CFAP92: variants seen among roughly 807,000 people sequenced by gnomAD.
CFAP92 encodes the protein uncharacterized protein CFAP92.
Under a neutral mutation model 106.3 loss-of-function variants are expected in CFAP92, and 86 were observed. The observed-to-expected ratio is 0.81, with a 90% confidence interval of 0.68 to 0.97. CFAP92 has a LOEUF of 0.97. Among genes scored for constraint, CFAP92 ranks in the 50% least tolerant of loss-of-function variants. CFAP92 has a pLI of 0.00. For missense variants in CFAP92, 1,204 were observed against 1,283.8 expected (o/e 0.94, Z 0.95); for synonymous variants, 477 against 506.4 (o/e 0.94, Z 0.78).
chr3:128,993,780 A>T (rs1944364182), intron 1 of CFAP92, 200 bp downstream of exon 1: 1 of 354,134 alleles, frequency 2.8e-6, no homozygotes, highest in South Asian at 4.3e-5. Context: ...GAGGTCGGGG[A>T]GGGCAAGCCC....
intron 1 of CFAP92, chr3:129,001,583 AAGGGACCGGAGG>A (rs1031495612): frequency 1.3e-5 from 18 of 1,345,830 alleles, no homozygotes; most frequent in South Asian, 1.3e-4. Flanking sequence ...TGGCGGGGCG[AAGGGACCGGAGG>A]AGGGACCGGA....
intron 2 of CFAP92, 87 bp from the exon 3 acceptor site, chr3:128,989,005 T>A: frequency 9.8e-7 from 1 of 1,020,620 alleles, no homozygotes; most frequent in Non-Finnish European, 1.4e-6. Flanking sequence ...CTTGATGTTG[T>A]GAGAGGCTGA....
rs1323649602 is a variant in CFAP92, at chr3:128,953,598, TCCCCCTCTCCCTCTCCCTCTCC to T, written c.1354-7645_1354-7624del. ...CTCTCCCTCTCCCTCTCCCTCTCCC[TCCCCCTCTCCCTCTCCCTCTCC>T]CTCCCTCTCCGTCTCCCTCTCCCCA... On this transcript the variant is annotated intron_variant, in intron 9 of 15. Coordinates refer to ENST00000645291, the MANE Select transcript of CFAP92 (RefSeq NM_001394090.1). 3.3e-4 allele frequency among the ~76,000 whole-genome samples: 24 copies of T among 72,020 alleles called. 2 individuals are homozygous for T. Among genetic ancestry groups the T allele is most frequent in the African/African-American group, 1.7e-3 (24 of 13,746 alleles). 47.2% of individuals were successfully genotyped at this position (72,020 alleles called of 152,430 possible). A position where few individuals can be genotyped will look rare whatever the true frequency, so the allele number is the denominator to read the frequency against.
At chr3:129,003,916 G>A, upstream of CFAP92, 1 of 1,357,844 alleles carries the variant, frequency 7.4e-7, no homozygotes, top group Non-Finnish European at 9.4e-7. Flanking sequence ...GCGCTGGGCG[G>A]CTGCGCCGTG....
chr3:128,913,224 C>T (rs1936541256), intron 15 of CFAP92: 13 of 368,184 alleles, frequency 3.5e-5, no homozygotes, highest in South Asian at 2.7e-4. Context: ...TTGTCCTCAC[C>T]CTGCAAGGAG....
intron 9 of CFAP92, among the ~76,000 whole-genome samples, chr3:128,948,097 G>T (rs1000294120): frequency 6.6e-6 from 1 of 152,062 alleles, no homozygotes; most frequent in African/African-American, 2.4e-5. Flanking sequence ...AAAAGAGAAT[G>T]ACAAGACAAA....
At chr3:129,004,392 C>G (rs1382560656), upstream of CFAP92, among the ~76,000 whole-genome samples, 1 of 133,878 alleles carries the variant, frequency 7.5e-6, no homozygotes, top group Non-Finnish European at 1.6e-5. Context: ...CCCATCCATC[C>G]ACTCACCCAT....
At chr3:128,983,610 G>T (rs1162956034) in intron 4 of CFAP92, among the ~76,000 whole-genome samples, 1 of 152,194 alleles carries the variant, frequency 6.6e-6, no homozygotes, top group African/African-American at 2.4e-5. Flanking sequence ...AAATGGAGAT[G>T]AAAGACGCTA....
At chr3:129,003,678 A>C (rs1944911077), upstream of CFAP92, 1 of 1,048,598 alleles carries the variant, frequency 9.5e-7, no homozygotes, top group Admixed American at 4.7e-5. Context: ...ACGGCGCAAG[A>C]AACGTGCTCA....
chr3:128,916,318 C>G, intron 12 of CFAP92, 47 bp from the exon 13 acceptor site: 1 of 1,192,226 alleles, frequency 8.4e-7, no homozygotes, highest in Non-Finnish European at 1.1e-6. Flanking sequence ...TCATCCTCAC[C>G]CCCCATGCCA....
At position 128,953,595 on chromosome 3, in the gene CFAP92, CCCTCCCCCTCT is replaced by C. The variant is rs1389397825; in HGVS notation, c.1354-7631_1354-7621del. On this transcript the variant is annotated intron_variant, in intron 9 of 15. Coordinates refer to ENST00000645291, the MANE Select transcript of CFAP92 (RefSeq NM_001394090.1). The stretch of plus-strand genomic sequence containing the variant: ...TCCCTCTCCCTCTCCCTCTCCCTCT[CCCTCCCCCTCT>C]CCCTCTCCCTCTCCCTCCCTCTCCG... 2.6e-4 allele frequency among the ~76,000 whole-genome samples: 28 copies of C among 109,548 alleles called. 1 individual carries two copies. Among genetic ancestry groups the C allele is most frequent in the African/African-American group, 1.2e-3 (21 of 17,480 alleles). The allele number at this position is 109,548 out of a possible 152,430, so 71.9% of individuals were successfully genotyped here. A position where few individuals can be genotyped will look rare whatever the true frequency, so the allele number is the denominator to read the frequency against.
At chr3:128,981,341 T>C (rs1021014844) in intron 4 of CFAP92, among the ~76,000 whole-genome samples, 4 of 136,932 alleles carry the variant, frequency 2.9e-5, no homozygotes, top group African/African-American at 1.1e-4. Flanking sequence ...TGGCCTTGTT[T>C]TGTTTTTGAG....
intron 15 of CFAP92, among the ~76,000 whole-genome samples, chr3:128,912,199 G>A (rs983848690): frequency 6.6e-6 from 1 of 152,226 alleles, no homozygotes; most frequent in Admixed American, 6.5e-5. Flanking sequence ...GGAGGGTGCT[G>A]AAATGGTTTC....
At position 129,002,373 on chromosome 3, in the gene CFAP92, G is replaced by T. The variant is rs996448434; in HGVS notation, n.117+201C>A. 8 of 1,487,352 alleles carry T rather than the reference G, an allele frequency of 5.4e-6. No individual in the cohort carries two copies. In the African/African-American group the frequency reaches 1.2e-4, roughly 22 times the overall value. 92.1% of individuals were successfully genotyped at this position (1,487,352 alleles called of 1,614,324 possible). On this transcript the variant is annotated intron_variant and non_coding_transcript_variant, in intron 1 of 4. Transcript: ENST00000510149. ...GGTGGTAACGCCCGGGAGAGGGCTC[G>T]AACTAAAAGCTGGCTGGCTGCGGAG... is the stretch of plus-strand genomic sequence containing the variant.
chr3:128,912,420 C>A, intron 15 of CFAP92: 1 of 1,240,734 alleles, frequency 8.1e-7, no homozygotes, highest in Non-Finnish European at 1.2e-6. Flanking sequence ...GGTGGGCTGA[C>A]TTTGTGGAAA....
chr3:128,961,818 T>C (rs1941946396), intron 9 of CFAP92, among the ~76,000 whole-genome samples: 1 of 152,232 alleles, frequency 6.6e-6, no homozygotes, highest in African/African-American at 2.4e-5. Context: ...CAGGATTGAA[T>C]TAACCTCTCC....
intron 12 of CFAP92, among the ~76,000 whole-genome samples, chr3:128,921,861 G>A (rs1937319762): frequency 6.6e-6 from 1 of 152,176 alleles, no homozygotes; most frequent in African/African-American, 2.4e-5. Flanking sequence ...ATAGTAGGCA[G>A]TGCTGCTATA....
intron 7 of CFAP92, among the ~76,000 whole-genome samples, chr3:128,972,037 C>T (rs2107781778): frequency 6.6e-6 from 1 of 152,326 alleles, no homozygotes; most frequent in African/African-American, 2.4e-5. Context: ...CAGACCCAAA[C>T]ACATAGGGGA....
chr3:129,007,730 T>G, the CFAP92 span, among the ~76,000 whole-genome samples: 1 of 152,190 alleles, frequency 6.6e-6, no homozygotes, highest in African/African-American at 2.4e-5. Context: ...TAACTTTGAG[T>G]CAAACTGTGC....
Sources: gnomAD v4.1 joint callset for allele counts (sites outside exome capture counted in the v4.1 genomes callset) on GRCh38, gnomAD v4.1.1 for gene constraint, MANE v1.5 for transcripts, NCBI Gene and HGNC (gene_info 2026-07-23, HGNC 2026-07-21) for gene names.